Variants in ADAM28 observed in about 807,000 individuals in gnomAD.
ADAM28 encodes ADAM metallopeptidase domain 28.
In ADAM28, 105 loss-of-function variants were observed where a neutral mutation model predicts 101.2. The observed-to-expected ratio is 1.04, with a 90% CI of 0.89 to 1.22. The LOEUF (loss-of-function observed/expected upper bound fraction) is 1.22, where lower values mean the gene tolerates loss of function less well. Among genes scored for constraint, ADAM28 ranks in the 50% most tolerant of loss-of-function variants. The pLI is 0.00. For synonymous variants in ADAM28, 322 were observed against 310.6 expected (o/e 1.04, Z -0.39); for missense variants, 1,028 against 945.4 (o/e 1.09, Z -1.15).
chr8:24,295,662 A>G (rs1264454207), intron 1 of ADAM28, among the ~76,000 whole-genome samples: 2 of 152,188 alleles, frequency 1.3e-5, no homozygotes, highest in African/African-American at 4.8e-5. Context: ...AACTGGGCAC[A>G]CTAATCAGTT....
At chr8:24,344,563 T>C (rs929823566) in intron 18 of ADAM28, among the ~76,000 whole-genome samples, 23 of 152,204 alleles carry the variant, frequency 1.5e-4, no homozygotes, top group African/African-American at 5.3e-4. Flanking sequence ...GTTTAGTCTA[T>C]ATTTATTGTT....
At chr8:24,305,210 G>A (rs1043738887) in intron 2 of ADAM28, among the ~76,000 whole-genome samples, 12 of 151,376 alleles carry the variant, frequency 7.9e-5, no homozygotes, top group Non-Finnish European at 1.5e-4. Context: ...TATAGTCTTT[G>A]TTAAGCTGAC....
At chr8:24,295,671 T>C (rs546895240) in intron 1 of ADAM28, 2 of 152,312 alleles carry the variant, frequency 1.3e-5, no homozygotes, top group African/African-American at 2.4e-5. Context: ...CACTAATCAG[T>C]TCTGCTGCCC....
chr8:24,324,167 A>T (rs151238684), intron 9 of ADAM28, among the ~76,000 whole-genome samples, 164 bp downstream of exon 9: 394 of 151,752 alleles, frequency 2.6e-3, no homozygotes, highest in African/African-American at 7.7e-3. Context: ...TATTTTTTTT[A>T]AAAAAAGAGA....
intron 1 of ADAM28, 148 bp from the exon 2 acceptor site, chr8:24,299,826 T>C (rs1808467256): frequency 5.3e-6 from 3 of 567,394 alleles, no homozygotes; most frequent in East Asian, 5.8e-5. Context: ...TGCTCTCTTC[T>C]GGTGTCAGCA....
chr8:24,355,500 T>C lies in ADAM28; in HGVS notation c.*1096T>C, dbSNP rs1816621853. The C allele has an allele frequency of 6.6e-6, 1 of 151,804 alleles. No homozygotes were observed. The highest frequency in any genetic ancestry group is 1.5e-5 in the Non-Finnish European group (1 of 67,902). The allele number at this position is 151,804 out of a possible 1,614,324, so 9.4% of individuals were successfully genotyped here. ...CTAGTGGTCGACTTGGAGATGATTT[T>C]ATAATCCTCCCCCTCCCTTTTTTTT... On this transcript the variant is annotated 3_prime_UTR_variant, in exon 23 of 23. Transcript: ENST00000265769.
intron 6 of ADAM28, among the ~76,000 whole-genome samples, chr8:24,315,296 T>A (rs1811019359): frequency 6.6e-6 from 1 of 151,332 alleles, no homozygotes; most frequent in Admixed American, 6.6e-5. Context: ...AGAGGAAAAC[T>A]CAAATATATA....
At chr8:24,308,355 C>A (rs1260914624) in intron 2 of ADAM28, among the ~76,000 whole-genome samples, 1 of 148,752 alleles carries the variant, frequency 6.7e-6, no homozygotes, top group Non-Finnish European at 1.5e-5. Context: ...TTTCTTCCTT[C>A]ATCTTTCCTT....
Position 24,300,076 on chromosome 8 carries a change from A to G in ADAM28, c.149A>G (p.Gln50Arg), listed in dbSNP as rs141799611. The G allele has an allele frequency of 1.2e-3, 2,002 of 1,611,606 alleles. 4 individuals are homozygous for G. The highest frequency in any genetic ancestry group is 1.6e-3 in the Non-Finnish European group (1,892 of 1,178,928). Residue 50 changes from glutamine (Q) to arginine (R), a missense_variant and splice_region_variant, in exon 2 of 23, where the codon CAG becomes CGG. Physicochemically the swap from Gln to Arg is conservative, Grantham distance 43. Transcript: ENST00000265769. ...HKREAKEPEQQEQFETELKYK... is the reference protein window; with the variant it reads ...HKREAKEPEQREQFETELKYK... ...AGAGAGGCCAAAGAGCCAGAGCAAC[A>G]GGTACAGCTTTTGATTTATCAAAGG...
intron 1 of ADAM28, among the ~76,000 whole-genome samples, chr8:24,298,422 A>G (rs773221442): frequency 1.3e-5 from 2 of 152,174 alleles, no homozygotes; most frequent in Non-Finnish European, 2.9e-5. Context: ...TAATTTTTAA[A>G]AAACGCTGTT....
Position 24,322,200 on chromosome 8 carries a change from G to A in ADAM28, c.720+911G>A, listed in dbSNP as rs143421920. Among the ~76,000 whole-genome samples, 97 of 152,080 alleles carry A rather than the reference G, an allele frequency of 6.4e-4. 1 individual carries two copies. Among genetic ancestry groups the A allele is most frequent in the African/African-American group, 2.3e-3 (94 of 41,528 alleles). ...TGCAGGAAAGACAGAAGAATTATTG[G>A]AATAATCTTGATTGGGGGAGAAATA... On this transcript the variant is annotated intron_variant, in intron 8 of 22. Coordinates refer to ENST00000265769, the MANE Select transcript of ADAM28 (RefSeq NM_014265.6).
At chr8:24,340,767 C>T (rs758841407) in intron 15 of ADAM28, 2 of 152,152 alleles carry the variant, frequency 1.3e-5, no homozygotes, top group Non-Finnish European at 2.9e-5. Context: ...TGCCTTTCTC[C>T]ACTCCTCAAA....
chr8:24,295,622 G>A (rs1261411436), intron 1 of ADAM28, among the ~76,000 whole-genome samples: 1 of 151,944 alleles, frequency 6.6e-6, no homozygotes, highest in African/African-American at 2.4e-5. Flanking sequence ...GCTAACACTG[G>A]GGCCCATGCA....
chr8:24,318,588 T>C (rs756563102), intron 6 of ADAM28, among the ~76,000 whole-genome samples: 1 of 151,902 alleles, frequency 6.6e-6, no homozygotes, highest in Non-Finnish European at 1.5e-5. Flanking sequence ...ACCTAAAATA[T>C]GCCCCCAAAA....
intron 8 of ADAM28, among the ~76,000 whole-genome samples, chr8:24,322,305 G>A (rs28433700): frequency 6.6e-6 from 1 of 151,896 alleles, no homozygotes; most frequent in Non-Finnish European, 1.5e-5. Flanking sequence ...GAGGCGCAAG[G>A]TGTTTGGACA....
intron 2 of ADAM28, among the ~76,000 whole-genome samples, chr8:24,300,435 C>T (rs1808572068): frequency 6.6e-6 from 1 of 151,378 alleles, no homozygotes; most frequent in African/African-American, 2.4e-5. Flanking sequence ...TTTTTTTTTC[C>T]AGACAGAGTC....
chr8:24,323,116 T>G (rs1036942755), intron 8 of ADAM28, among the ~76,000 whole-genome samples: 1 of 151,964 alleles, frequency 6.6e-6, no homozygotes, highest in African/African-American at 2.4e-5. Context: ...AGATTTGGTT[T>G]CTGGTGAAGA....
At chr8:24,337,978 G>C (rs11990672) in intron 14 of ADAM28, among the ~76,000 whole-genome samples, 11,681 of 152,264 alleles carry the variant, frequency 0.077, 813 homozygotes, top group African/African-American at 0.18. Flanking sequence ...ATTGGCAAAA[G>C]TTTGCTACAG....
At chr8:24,322,305 G>T (rs28433700) in intron 8 of ADAM28, among the ~76,000 whole-genome samples, 5,446 of 152,000 alleles carry the variant, frequency 0.036, 338 homozygotes, top group African/African-American at 0.12. Flanking sequence ...GAGGCGCAAG[G>T]TGTTTGGACA....
Sources: gnomAD v4.1 joint callset for allele counts (sites outside exome capture counted in the v4.1 genomes callset) on GRCh38, gnomAD v4.1.1 for gene constraint, MANE v1.5 for transcripts, NCBI Gene and HGNC (gene_info 2026-07-23, HGNC 2026-07-21) for gene names.